PTP4A3: variants seen among roughly 807,000 people sequenced by gnomAD.
PTP4A3 encodes protein tyrosine phosphatase 4A3.
In PTP4A3, 9 loss-of-function variants were observed where a neutral mutation model predicts 15.2. The observed-to-expected ratio is 0.59, with a 90% CI of 0.36 to 1.03. The LOEUF (loss-of-function observed/expected upper bound fraction) is 1.03, where lower values mean the gene tolerates loss of function less well. Ranked by LOEUF, PTP4A3 falls within the 50% of genes least tolerant of loss-of-function variation. The probability of loss-of-function intolerance (pLI) is 0.02; values close to 1 mark genes in which losing one functional copy is unlikely to be tolerated. For missense variants in PTP4A3, 234 were observed against 252.1 expected (o/e 0.93, Z 0.49); for synonymous variants, 95 against 102.0 (o/e 0.93, Z 0.41).
At position 141,431,062 on chromosome 8, in the gene PTP4A3, G is replaced by A. The variant is rs1488642649; in HGVS notation, c.*18G>A. The A allele has an allele frequency of 1.2e-6, 2 of 1,609,720 alleles. No homozygotes were observed. The highest frequency in any genetic ancestry group is 4.5e-5 in the East Asian group (2 of 44,868). On this transcript the variant is annotated 3_prime_UTR_variant, in exon 6 of 6. Coordinates refer to ENST00000521578, the MANE Select transcript of PTP4A3 (RefSeq NM_032611.3). ...TTATGTAGCTCAGGACCTTGGCTGG[G>A]CCTGGTCGTCATGTAGGTCAGGACC...
intron 1 of PTP4A3, among the ~76,000 whole-genome samples, chr8:141,411,247 G>A (rs192209129): frequency 5.5e-4 from 84 of 152,362 alleles, no homozygotes; most frequent in Non-Finnish European, 1.1e-3. Flanking sequence ...ACAAGGCTTG[G>A]CATATGGTGG....
chr8:141,413,206 T>C (rs1166591469), intron 1 of PTP4A3, among the ~76,000 whole-genome samples: 1 of 152,212 alleles, frequency 6.6e-6, no homozygotes, highest in East Asian at 1.9e-4. Flanking sequence ...GGGCCTCCTC[T>C]GGGCCTGCTG....
At chr8:141,418,817 G>T (rs1300008679) in intron 1 of PTP4A3, among the ~76,000 whole-genome samples, 1 of 152,294 alleles carries the variant, frequency 6.6e-6, no homozygotes, top group African/African-American at 2.4e-5. Flanking sequence ...CCCATCCCTG[G>T]GGATCCTTAA....
At chr8:141,398,244 T>C (rs1053411944) in intron 1 of PTP4A3, among the ~76,000 whole-genome samples, 3 of 151,996 alleles carry the variant, frequency 2.0e-5, no homozygotes, top group African/African-American at 7.3e-5. Context: ...TCCCTTGGAG[T>C]CTCTGCTCTG....
chr8:141,423,097 G>C (rs972790829), intron 2 of PTP4A3, among the ~76,000 whole-genome samples: 1 of 152,228 alleles, frequency 6.6e-6, no homozygotes, highest in Non-Finnish European at 1.5e-5. Context: ...TGTGTGCAGG[G>C]TCATTTATGG....
intron 1 of PTP4A3, among the ~76,000 whole-genome samples, chr8:141,402,378 T>C (rs7824029): frequency 3.9e-5 from 6 of 152,064 alleles, no homozygotes; most frequent in Non-Finnish European, 8.8e-5. Context: ...CTCAGGGGCC[T>C]GGGTTTCCAC....
At chr8:141,426,009 G>A (rs1260450388) in intron 3 of PTP4A3, among the ~76,000 whole-genome samples, 2 of 152,186 alleles carry the variant, frequency 1.3e-5, no homozygotes, top group African/African-American at 4.8e-5. Flanking sequence ...TCTCGCACGG[G>A]GTGCGCCCAC....
intron 1 of PTP4A3, among the ~76,000 whole-genome samples, chr8:141,398,645 C>A (rs1037249600): frequency 6.6e-6 from 1 of 152,104 alleles, no homozygotes; most frequent in African/African-American, 2.4e-5. Context: ...GAACTGGACT[C>A]TGGAACCTGA....
chr8:141,400,154 A>G (rs2129821894), intron 1 of PTP4A3, among the ~76,000 whole-genome samples: 1 of 152,220 alleles, frequency 6.6e-6, no homozygotes, highest in African/African-American at 2.4e-5. Flanking sequence ...CCAGCCTCCC[A>G]AAGTGCTGGG....
chr8:141,411,262 C>T (rs1471401203), intron 1 of PTP4A3, among the ~76,000 whole-genome samples: 1 of 152,220 alleles, frequency 6.6e-6, no homozygotes, highest in Non-Finnish European at 1.5e-5. Context: ...TGGTGGTGGC[C>T]TGTAAAAGCC....
chr8:141,427,899 G>A (rs1833658428), intron 5 of PTP4A3, 75 bp downstream of exon 5: 2 of 1,377,892 alleles, frequency 1.5e-6, no homozygotes, highest in Admixed American at 2.1e-5. Context: ...AAGGGTGGCG[G>A]CATTGGCTGT....
chr8:141,404,202 G>A (rs569248799), intron 1 of PTP4A3, among the ~76,000 whole-genome samples: 4 of 152,390 alleles, frequency 2.6e-5, no homozygotes, highest in African/African-American at 4.8e-5. Flanking sequence ...AAAGGGAAGC[G>A]ATTTTTTTTT....
rs139758101 is a variant in PTP4A3, at chr8:141,413,934, C to T, written c.-853-7454C>T. 2.6e-5 allele frequency among the ~76,000 whole-genome samples: 4 copies of T among 152,290 alleles called. No homozygotes were observed. The East Asian group carries it at 7.7e-4, about 29-fold the overall frequency. ...TAAAGATGCTGTGTGGACAGGAGGA[C>T]ATGGAGGATTCGGGCTCACGGTGTC... On this transcript the variant is annotated intron_variant, in intron 1 of 5. Coordinates refer to ENST00000521578, the MANE Select transcript of PTP4A3 (RefSeq NM_032611.3).
At chr8:141,419,769 G>A (rs1465523806) in intron 1 of PTP4A3, among the ~76,000 whole-genome samples, 1 of 152,048 alleles carries the variant, frequency 6.6e-6, no homozygotes, top group Non-Finnish European at 1.5e-5. Context: ...AGTAGAGATG[G>A]GGTTTCTCCA....
intron 5 of PTP4A3, among the ~76,000 whole-genome samples, chr8:141,429,889 A>C (rs7839591): frequency 7.6e-5 from 1 of 13,128 alleles, no homozygotes; most frequent in Non-Finnish European, 2.1e-4. Flanking sequence ...TGTAAGGACC[A>C]GGTGGCGGGG....
chr8:141,403,767 C>CT (rs1434423419), intron 1 of PTP4A3, among the ~76,000 whole-genome samples: 2 of 152,256 alleles, frequency 1.3e-5, no homozygotes, highest in Admixed American at 1.3e-4. Context: ...GAACACACAT[C>CT]TCACGGCAAC....
rs1444984388 is a variant in PTP4A3 at position 141,417,998 on chromosome 8, G to C, written c.-853-3390G>C. 2.6e-5 allele frequency among the ~76,000 whole-genome samples: 4 copies of C among 152,102 alleles called. No homozygotes were observed. In the East Asian group the frequency reaches 7.7e-4, roughly 29 times the overall value. ...CCGCCAGGCCGGCGCGTATGGAGGC[G>C]GTGGGACGCCTGCGGCGCGGGTGAG... On this transcript the variant is annotated intron_variant, in intron 1 of 5. Coordinates refer to ENST00000521578, the MANE Select transcript of PTP4A3 (RefSeq NM_032611.3).
Position 141,427,955 on chromosome 8 carries a change from C to T in PTP4A3, c.404+131C>T, listed in dbSNP as rs148274393. 9.7e-5 allele frequency: 88 copies of T among 906,456 alleles called. No individual in the cohort carries two copies. In the East Asian group the frequency reaches 2.3e-3, roughly 24 times the overall value. The allele number at this position is 906,456 out of a possible 1,614,324, so 56.2% of individuals were successfully genotyped here. A position where few individuals can be genotyped will look rare whatever the true frequency, so the allele number is the denominator to read the frequency against. On this transcript the variant is annotated intron_variant, in intron 5 of 5. Transcript: ENST00000521578. ...CTGCGTCGATCAGCACAAGCTGGGC[C>T]TTGCTGCAGAAACGGGGAAGCCTGA...
chr8:141,413,938 G>C (rs1832942175), intron 1 of PTP4A3, among the ~76,000 whole-genome samples: 1 of 152,222 alleles, frequency 6.6e-6, no homozygotes, highest in Non-Finnish European at 1.5e-5. Context: ...GGAGGACATG[G>C]AGGATTCGGG....
Sources: allele counts gnomAD v4.1 joint callset (sites outside exome capture counted in the v4.1 genomes callset), GRCh38; gene constraint gnomAD v4.1.1; transcripts MANE v1.5; gene names NCBI Gene and HGNC (gene_info 2026-07-23, HGNC 2026-07-21).